NFIA: variants seen among roughly 807,000 people sequenced by gnomAD.
NFIA encodes nuclear factor I A.
NFIA carries 8 observed loss-of-function variants against 62.8 expected under a neutral mutation model. The observed-to-expected ratio is 0.13, with a 90% confidence interval of 0.07 to 0.23. The LOEUF is 0.23. Among genes scored for constraint, NFIA ranks in the 10% least tolerant of loss-of-function variants. NFIA has a pLI of 1.00. For missense variants in NFIA, 410 were observed against 642.1 expected (o/e 0.64, Z 3.91); for synonymous variants, 235 against 238.1 (o/e 0.99, Z 0.12).
At chr1:61,186,401 G>A (rs1364674919) in intron 2 of NFIA, among the ~76,000 whole-genome samples, 1 of 152,142 alleles carries the variant, frequency 6.6e-6, no homozygotes, top group Non-Finnish European at 1.5e-5. Context: ...TGTTATTTTT[G>A]CTGCCACTGC....
chr1:61,233,628 C>A (rs933320814), intron 2 of NFIA, among the ~76,000 whole-genome samples: 11 of 152,234 alleles, frequency 7.2e-5, no homozygotes, highest in African/African-American at 2.6e-4. Flanking sequence ...GGCCTTATGA[C>A]CTTGAACAAA....
chr1:61,327,418 G>A (rs545766570), intron 3 of NFIA, among the ~76,000 whole-genome samples: 196 of 151,458 alleles, frequency 1.3e-3, no homozygotes, highest in African/African-American at 4.1e-3. Flanking sequence ...CTACACAGCC[G>A]CCCCCTCCTG....
intron 10 of NFIA, among the ~76,000 whole-genome samples, chr1:61,431,748 C>G (rs1384615257): frequency 2.0e-5 from 3 of 152,200 alleles, no homozygotes; most frequent in Non-Finnish European, 4.4e-5. Context: ...GCATGACACC[C>G]GTTGTCTGCC....
intron 2 of NFIA, among the ~76,000 whole-genome samples, chr1:61,269,431 G>C (rs530428300): frequency 6.6e-6 from 1 of 152,284 alleles, no homozygotes; most frequent in East Asian, 1.9e-4. Flanking sequence ...ACATGAATCT[G>C]TCATTACCAT....
At chr1:61,453,212 G>A (rs1668137356) in intron 10 of NFIA, among the ~76,000 whole-genome samples, 1 of 152,130 alleles carries the variant, frequency 6.6e-6, no homozygotes, top group South Asian at 2.1e-4. Flanking sequence ...GAAGGTTGGT[G>A]GGAGGAGAGC....
intron 2 of NFIA, among the ~76,000 whole-genome samples, chr1:61,197,976 T>C (rs1652154303): frequency 6.6e-6 from 1 of 151,318 alleles, no homozygotes; most frequent in African/African-American, 2.4e-5. Flanking sequence ...AATGAAACTA[T>C]GCAAGAAAGA....
intron 2 of NFIA, among the ~76,000 whole-genome samples, chr1:61,098,466 C>T (rs914898618): frequency 3.3e-5 from 5 of 152,182 alleles, no homozygotes; most frequent in Non-Finnish European, 5.9e-5. Context: ...ATTTAGTTGG[C>T]TTTCCTCCCC....
intron 2 of NFIA, among the ~76,000 whole-genome samples, chr1:61,226,521 A>G (rs1279677129): frequency 1.3e-5 from 2 of 152,180 alleles, no homozygotes; most frequent in Non-Finnish European, 2.9e-5. Flanking sequence ...TGCAGGGGTC[A>G]TTTTAACCCC....
At chr1:61,351,893 A>G (rs1400427021) in intron 4 of NFIA, among the ~76,000 whole-genome samples, 1 of 152,246 alleles carries the variant, frequency 6.6e-6, no homozygotes, top group Non-Finnish European at 1.5e-5. Context: ...ATTCATAAAA[A>G]CTATGGGCCT....
intron 4 of NFIA, among the ~76,000 whole-genome samples, chr1:61,346,712 C>T (rs970196635): frequency 1.3e-5 from 2 of 152,176 alleles, no homozygotes; most frequent in Non-Finnish European, 2.9e-5. Flanking sequence ...ATCTTAGCCC[C>T]CTTCCATGCA....
At chr1:61,391,576 A>G (rs986560441) in intron 7 of NFIA, among the ~76,000 whole-genome samples, 4 of 151,920 alleles carry the variant, frequency 2.6e-5, no homozygotes, top group Non-Finnish European at 4.4e-5. Context: ...ATTAAGATCT[A>G]CCTTGATAGA....
chr1:61,373,498 G>A (rs1012997087), intron 6 of NFIA, among the ~76,000 whole-genome samples: 3 of 151,990 alleles, frequency 2.0e-5, no homozygotes, highest in Admixed American at 6.6e-5. Flanking sequence ...CAGCACAGGC[G>A]TATCCCAAAC....
Position 61,157,387 on chromosome 1 carries a change from G to A in NFIA, c.559+68707G>A, listed in dbSNP as rs999381233. Among the ~76,000 whole-genome samples, 6 of 151,962 alleles carry A rather than the reference G, an allele frequency of 3.9e-5. No individual in the cohort carries two copies. In the South Asian group the frequency reaches 6.3e-4, roughly 16 times the overall value. ...ATGTTTACAACAGTTCAACACACTC[G>A]AATGAGCACTTAGAATAATGTCAAT... On this transcript the variant is annotated intron_variant, in intron 2 of 10. Transcript: ENST00000403491.
chr1:61,117,923 C>G (rs1038586372), intron 2 of NFIA, among the ~76,000 whole-genome samples: 2 of 152,112 alleles, frequency 1.3e-5, no homozygotes, highest in African/African-American at 4.8e-5. Context: ...GTGGCTCAAG[C>G]CTGTAATCCC....
intron 2 of NFIA, among the ~76,000 whole-genome samples, chr1:61,114,099 A>G (rs1243116200): frequency 1.3e-5 from 2 of 152,194 alleles, no homozygotes; most frequent in East Asian, 1.9e-4. Context: ...GCCCTGAGTA[A>G]TATCATAAAC....
Position 61,088,320 on chromosome 1 carries a change from G to A in NFIA, c.199G>A (p.Val67Ile). 2 of 1,613,358 alleles carry A rather than the reference G, an allele frequency of 1.2e-6. No homozygotes were observed. Among genetic ancestry groups the A allele is most frequent in the South Asian group, 1.1e-5 (1 of 91,020 alleles). ...KDELLSEKPE[V>I]KQKWASRLLA... ...TGAATTGCTAAGTGAAAAACCAGAGGTCAAGCAGAAGTGGGCATCTCGACT... is the reference window on the plus strand; with the variant it reads ...TGAATTGCTAAGTGAAAAACCAGAGATCAAGCAGAAGTGGGCATCTCGACT... Residue 67 changes from valine to isoleucine, a missense_variant, in exon 2 of 11, where the codon GTC becomes ATC. Physicochemically the swap from Val to Ile is conservative, Grantham distance 29. Transcript: ENST00000403491. This position sits in a 1 kb window ranked among gnomAD's most constrained non-coding sequence, Gnocchi z 4.5.
chr1:61,162,373 C>T (rs1326641245), intron 2 of NFIA, among the ~76,000 whole-genome samples: 2 of 152,162 alleles, frequency 1.3e-5, no homozygotes, highest in Non-Finnish European at 2.9e-5. Context: ...AAACTGTGCA[C>T]GTAGTTCGAA....
intron 2 of NFIA, among the ~76,000 whole-genome samples, chr1:61,250,784 G>A (rs1000511884): frequency 1.3e-5 from 2 of 152,122 alleles, no homozygotes; most frequent in African/African-American, 4.8e-5. Context: ...TTAGAAGTAA[G>A]AAATTATGTT....
chr1:61,408,905 T>A (rs1467057601), intron 9 of NFIA, among the ~76,000 whole-genome samples: 1 of 152,238 alleles, frequency 6.6e-6, no homozygotes, highest in East Asian at 1.9e-4. Context: ...GACTCCAGGC[T>A]TGGGTAATGG....
Sources: gnomAD v4.1 joint callset for allele counts (sites outside exome capture counted in the v4.1 genomes callset) on GRCh38, gnomAD v4.1.1 for gene constraint, Gnocchi (gnomAD v3.1) non-coding constraint, MANE v1.5 for transcripts, NCBI Gene and HGNC (gene_info 2026-07-23, HGNC 2026-07-21) for gene names.